Variants in PLPPR1 observed in about 807,000 individuals in gnomAD.
PLPPR1 encodes phospholipid phosphatase-related protein type 1.
Under a neutral mutation model 33.1 loss-of-function variants are expected in PLPPR1, and 10 were observed. The observed-to-expected ratio is 0.30, with a 90% CI of 0.19 to 0.51. The LOEUF (loss-of-function observed/expected upper bound fraction) is 0.51. PLPPR1 is among the 20% of genes least tolerant of loss of function. The pLI is 0.97. For missense variants in PLPPR1, 304 were observed against 408.1 expected (o/e 0.74, Z 2.20); for synonymous variants, 151 against 151.0 (o/e 1.00, Z 0.00).
chr9:101,310,742 C>T (rs1443457254), intron 5 of PLPPR1, among the ~76,000 whole-genome samples: 1 of 152,172 alleles, frequency 6.6e-6, no homozygotes, highest in Non-Finnish European at 1.5e-5. Flanking sequence ...TTTAAAACAA[C>T]CAGGAGCAGA....
rs114661349 is a variant in PLPPR1, at chr9:101,242,489, G to T, written c.64-27391G>T. On this transcript the variant is annotated intron_variant, in intron 2 of 7. Transcript: ENST00000374874. ...GTTAAAATTCTTTTTGATTTGTGAT[G>T]CCTCACCAAAATGATTTCCATTTCT... Among the ~76,000 whole-genome samples, 767 of 152,002 alleles carry T rather than the reference G, an allele frequency of 5.0e-3. 7 individuals carry two copies. Among genetic ancestry groups the T allele is most frequent in the African/African-American group, 0.018 (742 of 41,506 alleles).
intron 1 of PLPPR1, among the ~76,000 whole-genome samples, chr9:101,050,509 G>T (rs566784151): frequency 6.6e-6 from 1 of 152,298 alleles, no homozygotes; most frequent in South Asian, 2.1e-4. Context: ...AAATGAGTAG[G>T]TGCTGGGTTT....
chr9:101,321,998 G>T (rs1489916076), intron 7 of PLPPR1, among the ~76,000 whole-genome samples: 1 of 148,506 alleles, frequency 6.7e-6, no homozygotes, highest in Admixed American at 6.7e-5. Flanking sequence ...AGGAGTTCAA[G>T]ACCAGCCTGG....
intron 1 of PLPPR1, among the ~76,000 whole-genome samples, chr9:101,094,983 G>T (rs1453332798): frequency 2.0e-5 from 3 of 152,144 alleles, no homozygotes; most frequent in African/African-American, 7.2e-5. Flanking sequence ...CCTCAGTGCT[G>T]AACACAAGCT....
At chr9:101,179,647 T>C (rs1826069267) in intron 1 of PLPPR1, among the ~76,000 whole-genome samples, 1 of 152,154 alleles carries the variant, frequency 6.6e-6, no homozygotes, top group Admixed American at 6.6e-5. Context: ...TATTACTGTC[T>C]TTATTTGAAG....
chr9:101,132,974 A>G (rs1003660200), intron 1 of PLPPR1, among the ~76,000 whole-genome samples: 4 of 152,164 alleles, frequency 2.6e-5, no homozygotes, highest in African/African-American at 9.7e-5. Context: ...TCAGGTCTAA[A>G]TTTAGCCACC....
chr9:101,207,922 A>G (rs1431296976), intron 2 of PLPPR1, among the ~76,000 whole-genome samples: 1 of 152,198 alleles, frequency 6.6e-6, no homozygotes, highest in Non-Finnish European at 1.5e-5. Context: ...TAGAGGTCCT[A>G]TTCTACCTAC....
intron 4 of PLPPR1, among the ~76,000 whole-genome samples, chr9:101,286,850 A>C (rs1254101309): frequency 6.6e-6 from 1 of 152,234 alleles, no homozygotes; most frequent in African/African-American, 2.4e-5. Flanking sequence ...GTAAGAATAG[A>C]GATCTTACAA....
chr9:101,064,243 A>C (rs957830176), intron 1 of PLPPR1, among the ~76,000 whole-genome samples: 12 of 152,108 alleles, frequency 7.9e-5, no homozygotes, highest in African/African-American at 2.7e-4. Flanking sequence ...TAGTGGCTTA[A>C]AACAGCAACA....
intron 2 of PLPPR1, among the ~76,000 whole-genome samples, chr9:101,251,030 T>C (rs1214528511): frequency 6.6e-6 from 1 of 152,084 alleles, no homozygotes; most frequent in Non-Finnish European, 1.5e-5. Context: ...ACCCCCCAAA[T>C]TGTGTCTCTA....
chr9:101,235,504 C>T (rs1827280928), intron 2 of PLPPR1, among the ~76,000 whole-genome samples: 1 of 151,782 alleles, frequency 6.6e-6, no homozygotes, highest in African/African-American at 2.4e-5. Context: ...TTTCATTTAT[C>T]TTGGAAAAAC....
intron 2 of PLPPR1, among the ~76,000 whole-genome samples, chr9:101,217,262 G>T (rs1200483033): frequency 2.0e-5 from 3 of 151,948 alleles, no homozygotes; most frequent in African/African-American, 7.3e-5. Context: ...AAAAATCAGT[G>T]TTTTGACATG....
chr9:101,063,355 G>C (rs1053430645), intron 1 of PLPPR1, among the ~76,000 whole-genome samples: 2 of 152,064 alleles, frequency 1.3e-5, no homozygotes, highest in African/African-American at 4.8e-5. Context: ...TCCTTTATGT[G>C]TCAATCAGTG....
intron 2 of PLPPR1, among the ~76,000 whole-genome samples, chr9:101,264,140 G>A (rs533954908): frequency 3.9e-5 from 6 of 152,142 alleles, no homozygotes; most frequent in African/African-American, 1.4e-4. Flanking sequence ...ATTGACATTT[G>A]TGACTAGGAT....
intron 1 of PLPPR1, among the ~76,000 whole-genome samples, chr9:101,052,178 A>T (rs902114377): frequency 6.6e-6 from 1 of 152,220 alleles, no homozygotes; most frequent in African/African-American, 2.4e-5. Context: ...GCCATAGTGT[A>T]TTGAACATAA....
intron 1 of PLPPR1, among the ~76,000 whole-genome samples, chr9:101,079,813 C>T (rs979449779): frequency 1.3e-5 from 2 of 152,218 alleles, no homozygotes; most frequent in South Asian, 2.1e-4. Context: ...CTCCTGACCT[C>T]GTGATCCACC....
At chr9:101,139,961 CT>C (rs1831428333) in intron 1 of PLPPR1, among the ~76,000 whole-genome samples, 1 of 152,152 alleles carries the variant, frequency 6.6e-6, no homozygotes, top group Admixed American at 6.6e-5. Context: ...GCTGGAGAGC[CT>C]TTCCCTATTC....
At chr9:101,231,961 G>A (rs1056418682) in intron 2 of PLPPR1, among the ~76,000 whole-genome samples, 1 of 151,924 alleles carries the variant, frequency 6.6e-6, no homozygotes, top group Non-Finnish European at 1.5e-5. Context: ...ATCAAATTAT[G>A]TGGCCTGGTT....
chr9:101,262,300 C>T (rs976168121), intron 2 of PLPPR1, among the ~76,000 whole-genome samples: 1 of 152,180 alleles, frequency 6.6e-6, no homozygotes, highest in Non-Finnish European at 1.5e-5. Context: ...TAGTAGGCAG[C>T]ACAGCTGGTT....
Sources: allele counts gnomAD v4.1 joint callset (sites outside exome capture counted in the v4.1 genomes callset), GRCh38; gene constraint gnomAD v4.1.1; transcripts MANE v1.5; gene names NCBI Gene and HGNC (gene_info 2026-07-23, HGNC 2026-07-21).